The following PABPC4L variants were observed in gnomAD, a reference collection of about 807,000 sequenced individuals.
PABPC4L encodes polyadenylate-binding protein 4-like.
For missense variants in PABPC4L, 452 were observed against 451.4 expected (o/e 1.00, Z -0.01); for synonymous variants, 169 against 164.1 (o/e 1.03, Z -0.23).
chr4:134,141,931 C>G, the PABPC4L span, among the ~76,000 whole-genome samples: 1 of 151,746 alleles, frequency 6.6e-6, no homozygotes, highest in Non-Finnish European at 1.5e-5. Context: ...ATTGTCACTT[C>G]TTTCTTTGAA....
At chr4:134,101,458 T>G in the PABPC4L span, among the ~76,000 whole-genome samples, 1 of 151,498 alleles carries the variant, frequency 6.6e-6, no homozygotes, top group Non-Finnish European at 1.5e-5. Context: ...CGAAAGATGT[T>G]TTACTTGTGA....
At chr4:134,125,885 T>C in the PABPC4L span, among the ~76,000 whole-genome samples, 2 of 152,156 alleles carry the variant, frequency 1.3e-5, no homozygotes, top group South Asian at 4.1e-4. Context: ...CACACACATA[T>C]ACATTCACAC....
At chr4:134,137,321 TACCA>T in the PABPC4L span, among the ~76,000 whole-genome samples, 1 of 151,964 alleles carries the variant, frequency 6.6e-6, no homozygotes, top group South Asian at 2.1e-4. Context: ...AATTCTATAT[TACCA>T]AGGAGTAGAG....
chr4:134,109,748 A>T, the PABPC4L span, among the ~76,000 whole-genome samples: 2 of 151,760 alleles, frequency 1.3e-5, no homozygotes, highest in Admixed American at 1.3e-4. Context: ...AAATTTCTAG[A>T]TCATTTTTTT....
chr4:134,151,477 T>C, the PABPC4L span, among the ~76,000 whole-genome samples: 11 of 152,068 alleles, frequency 7.2e-5, no homozygotes, highest in African/African-American at 2.7e-4. Context: ...AAACTTTTCC[T>C]GATATAAACA....
Position 134,196,442 on chromosome 4 carries a change from C to T in PABPC4L, c.*3465G>A, listed in dbSNP as rs1262449904. 1 of 151,250 alleles carries T rather than the reference C, an allele frequency of 6.6e-6. No homozygotes were observed. The highest frequency in any genetic ancestry group is 2.4e-5 in the African/African-American group (1 of 41,260). The allele number at this position is 151,250 out of a possible 1,614,324, so 9.4% of individuals were successfully genotyped here. The stretch of plus-strand genomic sequence containing the variant: ...AATCACTTTAAAATTTTTATTTTTA[C>T]CAACTATAAATTCCTATTTGAAATT... On this transcript the variant is annotated 3_prime_UTR_variant, in exon 2 of 2. Transcript: ENST00000421491.
the PABPC4L span, among the ~76,000 whole-genome samples, chr4:134,166,281 T>A: frequency 6.6e-6 from 1 of 152,064 alleles, no homozygotes; most frequent in Non-Finnish European, 1.5e-5. Context: ...GCTGTTGACA[T>A]AAATAAATAA....
chr4:134,119,889 G>C, the PABPC4L span, among the ~76,000 whole-genome samples: 1 of 151,644 alleles, frequency 6.6e-6, no homozygotes, highest in African/African-American at 2.4e-5. Flanking sequence ...TGCCCATCTA[G>C]TTCTTGTAGC....
chr4:134,078,568 TAA>T, the PABPC4L span, among the ~76,000 whole-genome samples: 4 of 151,816 alleles, frequency 2.6e-5, no homozygotes, highest in African/African-American at 9.7e-5. Context: ...GTTAAACTGA[TAA>T]AAAAGACTCC....
At chr4:134,183,114 C>G in the PABPC4L span, among the ~76,000 whole-genome samples, 1 of 151,858 alleles carries the variant, frequency 6.6e-6, no homozygotes, top group Non-Finnish European at 1.5e-5. Context: ...GGTATATACC[C>G]AAATGAATAT....
At chr4:134,122,972 A>T in the PABPC4L span, among the ~76,000 whole-genome samples, 1 of 151,972 alleles carries the variant, frequency 6.6e-6, no homozygotes, top group Admixed American at 6.6e-5. Flanking sequence ...AGGAATACAG[A>T]CAATTCTCAT....
the PABPC4L span, among the ~76,000 whole-genome samples, chr4:133,961,586 T>C: frequency 3.3e-5 from 5 of 152,170 alleles, no homozygotes; most frequent in Admixed American, 6.5e-5. Flanking sequence ...GCACTTGAGA[T>C]GGCAATGGCA....
At chr4:134,110,127 A>G in the PABPC4L span, among the ~76,000 whole-genome samples, 1 of 152,100 alleles carries the variant, frequency 6.6e-6, no homozygotes, top group Non-Finnish European at 1.5e-5. Flanking sequence ...TAACCAGAAA[A>G]GAGCCTCAAG....
the PABPC4L span, among the ~76,000 whole-genome samples, chr4:134,113,815 G>A: frequency 2.0e-5 from 3 of 151,752 alleles, no homozygotes; most frequent in Non-Finnish European, 1.5e-5. Context: ...GCAGAAACCT[G>A]TATAAAGGCC....
chr4:134,027,363 C>T, the PABPC4L span, among the ~76,000 whole-genome samples: 8 of 152,128 alleles, frequency 5.3e-5, no homozygotes, highest in Non-Finnish European at 1.2e-4. Flanking sequence ...AAATTCCAGC[C>T]AACCCAGCTA....
At chr4:134,021,642 G>C in the PABPC4L span, among the ~76,000 whole-genome samples, 56 of 152,250 alleles carry the variant, frequency 3.7e-4, 1 homozygote, top group South Asian at 7.0e-3. Flanking sequence ...ACCATAATTA[G>C]CTATTATAGT....
chr4:134,013,641 C>T, the PABPC4L span, among the ~76,000 whole-genome samples: 21 of 152,196 alleles, frequency 1.4e-4, no homozygotes, highest in African/African-American at 2.6e-4. Flanking sequence ...AATAGCCAAA[C>T]GGTCTGAGGT....
chr4:134,100,818 A>G, the PABPC4L span, among the ~76,000 whole-genome samples: 3 of 151,606 alleles, frequency 2.0e-5, no homozygotes, highest in African/African-American at 7.3e-5. Flanking sequence ...AATTTTAGAA[A>G]AAGACAATGT....
chr4:133,982,561 G>A, the PABPC4L span, among the ~76,000 whole-genome samples: 1 of 151,940 alleles, frequency 6.6e-6, no homozygotes, highest in Non-Finnish European at 1.5e-5. Flanking sequence ...AAATGTGTGT[G>A]CATTTTAAAG....
Sources: allele counts gnomAD v4.1 joint callset (sites outside exome capture counted in the v4.1 genomes callset), GRCh38; gene constraint gnomAD v4.1.1; transcripts MANE v1.5; gene names NCBI Gene and HGNC (gene_info 2026-07-23, HGNC 2026-07-21).